Variants in GIN1 observed in about 807,000 individuals in gnomAD.
GIN1 encodes the protein gypsy retrotransposon integrase-like protein 1.
GIN1 carries 41 observed loss-of-function variants against 51.4 expected under a neutral mutation model. The observed-to-expected ratio is 0.80, with a 90% CI of 0.62 to 1.04. The LOEUF is 1.04. Ranked by LOEUF, GIN1 falls within the 50% of genes least tolerant of loss-of-function variation. GIN1 has a pLI of 0.00. For missense variants in GIN1, 610 were observed against 612.4 expected, an observed-to-expected ratio of 1.00 and a Z score of 0.04; for synonymous variants, 222 against 206.5, an observed-to-expected ratio of 1.07 and a Z score of -0.64.
At chr5:103,099,576 C>A (rs1280706486) in intron 4 of GIN1, among the ~76,000 whole-genome samples, 1 of 152,046 alleles carries the variant, frequency 6.6e-6, no homozygotes. Flanking sequence ...TTGAAAAAGG[C>A]TTTAACTTCT....
chr5:103,105,349 A>C (rs1583126127), intron 3 of GIN1, among the ~76,000 whole-genome samples: 1 of 152,294 alleles, frequency 6.6e-6, no homozygotes, highest in Non-Finnish European at 1.5e-5. Flanking sequence ...TGGAACATAA[A>C]TCTGGTTCAC....
At chr5:103,119,832 TAGGCACCTCCCCAGG>T (rs1335463752) in intron 1 of GIN1, among the ~76,000 whole-genome samples, 1 of 152,164 alleles carries the variant, frequency 6.6e-6, no homozygotes, top group Admixed American at 6.5e-5. Flanking sequence ...TTACACCCAG[TAGGCACCTCCCCAGG>T]CCCGAAACAG....
At position 103,087,098 on chromosome 5, in the gene GIN1, G is replaced by C. The variant is rs1787094496; in HGVS notation, c.*800C>G. 1 of 152,282 alleles carries C rather than the reference G, an allele frequency of 6.6e-6. No individual in the cohort carries two copies. The highest frequency in any genetic ancestry group is 2.4e-5 in the African/African-American group (1 of 41,548). The allele number at this position is 152,282 out of a possible 1,614,324, so 9.4% of individuals were successfully genotyped here. On this transcript the variant is annotated 3_prime_UTR_variant, in exon 8 of 8. Transcript: ENST00000399004. ...AGCAATGCTCCTACTTCAGCCTCCT[G>C]AGTAGCTGGGACCGCAGGCATGTGC...
Position 103,097,487 on chromosome 5 carries a change from G to T in GIN1, c.835C>A (p.Pro279Thr). The change falls in exon 6 of 8, where the codon CCT (proline) becomes ACT (threonine). Residue 279 changes from proline to threonine, a missense_variant. Coordinates refer to ENST00000399004, the MANE Select transcript of GIN1 (RefSeq NM_017676.2). ...SFAFNVTHLE[P>T]TKNTPYFQMF... ...TGAAAATATGGTGTATTTTTAGTAG[G>T]TTCCTATTTTAAAGAAAATAAACGT... 2 of 1,532,472 alleles carry T rather than the reference G, an allele frequency of 1.3e-6. No homozygotes were observed. The highest frequency in any genetic ancestry group is 1.8e-6 in the Non-Finnish European group (2 of 1,117,420). 94.9% of individuals were successfully genotyped at this position (1,532,472 alleles called of 1,614,324 possible).
intron 7 of GIN1, among the ~76,000 whole-genome samples, chr5:103,090,191 A>C (rs1787197928): frequency 6.6e-6 from 1 of 152,198 alleles, no homozygotes. Context: ...GGGGAGGCTT[A>C]GGTGAGAGAA....
chr5:103,119,198 CA>C (rs1204124205), intron 1 of GIN1, among the ~76,000 whole-genome samples: 3 of 152,168 alleles, frequency 2.0e-5, no homozygotes, highest in Non-Finnish European at 4.4e-5. Context: ...GGGTTAAAAA[CA>C]AAGCCACCAA....
intron 3 of GIN1, 84 bp from the exon 4 acceptor site, chr5:103,104,930 T>A: frequency 4.9e-6 from 4 of 814,638 alleles, no homozygotes; most frequent in Non-Finnish European, 7.7e-6. Context: ...ATCTGAATTT[T>A]AAAATGGTTA....
intron 1 of GIN1, among the ~76,000 whole-genome samples, chr5:103,113,951 A>G (rs543073016): frequency 1.3e-5 from 2 of 152,348 alleles, no homozygotes; most frequent in Admixed American, 1.3e-4. Flanking sequence ...ACAAGGCTTT[A>G]TAAGATATGG....
intron 7 of GIN1, among the ~76,000 whole-genome samples, chr5:103,093,766 G>A (rs1787320024): frequency 2.0e-5 from 3 of 152,150 alleles, no homozygotes; most frequent in Non-Finnish European, 4.4e-5. Flanking sequence ...TCAAAGAGGA[G>A]CATTATGATT....
chr5:103,117,606 T>C (rs1341843015), intron 1 of GIN1, among the ~76,000 whole-genome samples: 1 of 109,088 alleles, frequency 9.2e-6, no homozygotes, highest in African/African-American at 2.8e-5. Context: ...ACACATATCA[T>C]CTAGGTTCAT....
At chr5:103,104,423 C>T in intron 4 of GIN1, 118 bp downstream of exon 4, 4 of 602,774 alleles carry the variant, frequency 6.6e-6, no homozygotes, top group South Asian at 2.1e-5. Context: ...ACCTCTATAC[C>T]TACAGAAATT....
chr5:103,112,174 T>A (rs1663435533), intron 1 of GIN1, among the ~76,000 whole-genome samples: 1 of 152,152 alleles, frequency 6.6e-6, no homozygotes, highest in Non-Finnish European at 1.5e-5. Context: ...AAGACTAACA[T>A]ATATCTATGT....
At chr5:103,117,348 G>A (rs1554197491) in intron 1 of GIN1, among the ~76,000 whole-genome samples, 1 of 142,788 alleles carries the variant, frequency 7.0e-6, no homozygotes, top group Admixed American at 7.3e-5. Flanking sequence ...AGTATAGGAA[G>A]AGGAAATAAT....
intron 3 of GIN1, among the ~76,000 whole-genome samples, chr5:103,105,927 T>C (rs1554196229): frequency 7.9e-5 from 12 of 152,168 alleles, no homozygotes; most frequent in Non-Finnish European, 1.5e-5. Flanking sequence ...AGGAAAAATA[T>C]ATAAATTATG....
At position 103,088,151 on chromosome 5, in the gene GIN1, C is replaced by T. The variant is rs782596839; in HGVS notation, c.1316G>A (p.Gly439Asp). ...GTAGTCATGATCTGCCACTACTGAACCTTGCAAGAGATAAAGACTTTCTGA... is the reference window on the plus strand; with the variant it reads ...GTAGTCATGATCTGCCACTACTGAATCTTGCAAGAGATAAAGACTTTCTGA... ...SEQESLYLLQ[G>D]SVVADHDYIG... is the part of the protein sequence containing the mutation. The change falls in exon 8 of 8, where the codon GGT becomes GAT. Residue 439 changes from glycine (G) to aspartate (D), a missense_variant. Transcript: ENST00000399004. 6.4e-7 allele frequency: 1 copy of T among 1,573,958 alleles called. No homozygotes were observed. The highest frequency in any genetic ancestry group is 1.8e-5 in the Admixed American group (1 of 54,336).
At chr5:103,101,742 C>T (rs543419596) in intron 4 of GIN1, among the ~76,000 whole-genome samples, 7 of 152,340 alleles carry the variant, frequency 4.6e-5, no homozygotes, top group African/African-American at 1.7e-4. Flanking sequence ...TTTCAGGATA[C>T]CTTCACATAG....
intron 4 of GIN1, among the ~76,000 whole-genome samples, chr5:103,100,002 T>C (rs1481032480): frequency 1.3e-5 from 2 of 152,234 alleles, no homozygotes; most frequent in African/African-American, 4.8e-5. Flanking sequence ...GCCATTTTAA[T>C]CACAGCAAAA....
rs782357865 is a variant in GIN1, at chr5:103,104,847, C to G, written c.334-1G>C. 1.9e-6 allele frequency: 3 copies of G among 1,555,692 alleles called. No individual in the cohort carries two copies. Among genetic ancestry groups the G allele is most frequent in the Non-Finnish European group, 2.6e-6 (3 of 1,141,278 alleles). ...CTTGGCAATGCTGACAAGCATATACCTACAACAGGCACACAATAAAGAAAA... is the reference window on the plus strand; with the variant it reads ...CTTGGCAATGCTGACAAGCATATACGTACAACAGGCACACAATAAAGAAAA... On this transcript the variant is annotated splice_acceptor_variant, in intron 3 of 7. Transcript: ENST00000399004. LOFTEE classifies it high-confidence loss of function.
At position 103,086,492 on chromosome 5, in the gene GIN1, A is replaced by C. The variant is rs1787079051; in HGVS notation, c.*1406T>G. On this transcript the variant is annotated 3_prime_UTR_variant, in exon 8 of 8. Transcript: ENST00000399004. ...CTTCACTTTATACCCGAGGCAGTGT[A>C]GACAACAAGAAGCCCTGCCTTTTTA... The C allele has an allele frequency of 6.6e-6, 1 of 152,230 alleles. No individual in the cohort carries two copies. Among genetic ancestry groups the C allele is most frequent in the Non-Finnish European group, 1.5e-5 (1 of 68,048 alleles). 9.4% of individuals were successfully genotyped at this position (152,230 alleles called of 1,614,324 possible). A position where few individuals can be genotyped will look rare whatever the true frequency, so the allele number is the denominator to read the frequency against.
Sources: allele counts gnomAD v4.1 joint callset (sites outside exome capture counted in the v4.1 genomes callset), GRCh38; gene constraint gnomAD v4.1.1; transcripts MANE v1.5; gene names NCBI Gene and HGNC (gene_info 2026-07-23, HGNC 2026-07-21).